RGS6: variants seen among roughly 807,000 people sequenced by gnomAD.
RGS6 encodes the protein regulator of G protein signaling 6.
RGS6 carries 30 observed loss-of-function variants against 78.5 expected under a neutral mutation model. That is an observed-to-expected ratio of 0.38 (90% CI 0.29 to 0.52). The LOEUF (loss-of-function observed/expected upper bound fraction) is 0.52. RGS6 is among the 20% of genes least tolerant of loss of function. RGS6 has a pLI of 0.85. For missense variants in RGS6, 495 were observed against 609.7 expected, an observed-to-expected ratio of 0.81 and a Z score of 1.98; for synonymous variants, 206 against 206.0, an observed-to-expected ratio of 1.00 and a Z score of 0.00.
intron 12 of RGS6, among the ~76,000 whole-genome samples, chr14:72,491,097 G>T (rs55697641): frequency 0.054 from 8,205 of 152,162 alleles, 748 homozygotes; most frequent in African/African-American, 0.19. Context: ...GGCCATTATT[G>T]CCCTTTGCAA....
At chr14:72,490,612 G>A (rs2096565805) in intron 12 of RGS6, among the ~76,000 whole-genome samples, 2 of 152,144 alleles carry the variant, frequency 1.3e-5, no homozygotes, top group South Asian at 4.1e-4. Flanking sequence ...TGCTCAACAA[G>A]CCTGTTATAT....
intron 2 of RGS6, among the ~76,000 whole-genome samples, chr14:72,155,435 A>G (rs1303348373): frequency 6.6e-6 from 1 of 152,192 alleles, no homozygotes; most frequent in Non-Finnish European, 1.5e-5. Context: ...CCTCCCACCC[A>G]GGATATGACT....
chr14:71,937,569 A>C (rs1055013627), intron 1 of RGS6, among the ~76,000 whole-genome samples: 1 of 152,184 alleles, frequency 6.6e-6, no homozygotes, highest in African/African-American at 2.4e-5. Flanking sequence ...CATTCTATCA[A>C]TATAACTGCT....
chr14:71,931,759 G>T (rs528864057), upstream of RGS6, among the ~76,000 whole-genome samples: 7 of 152,094 alleles, frequency 4.6e-5, no homozygotes, highest in Non-Finnish European at 1.0e-4. Flanking sequence ...TTAAAGAAAG[G>T]CATCAGTTCA....
chr14:71,945,435 A>G (rs1369893301), intron 1 of RGS6, among the ~76,000 whole-genome samples: 1 of 152,240 alleles, frequency 6.6e-6, no homozygotes, highest in Non-Finnish European at 1.5e-5. Flanking sequence ...CAAACACTCA[A>G]TAGACCAGTT....
intron 2 of RGS6, among the ~76,000 whole-genome samples, chr14:71,990,131 A>T (rs538368272): frequency 6.6e-6 from 1 of 152,284 alleles, no homozygotes; most frequent in Non-Finnish European, 1.5e-5. Flanking sequence ...TAATAAACCA[A>T]CCTAATCCCA....
intron 2 of RGS6, among the ~76,000 whole-genome samples, chr14:72,154,352 C>T (rs1218330349): frequency 6.6e-6 from 1 of 152,084 alleles, no homozygotes; most frequent in African/African-American, 2.4e-5. Flanking sequence ...GGTGATGTAC[C>T]TCCTCAGCTT....
chr14:72,522,202 T>C (rs115485463), intron 15 of RGS6, among the ~76,000 whole-genome samples: 2,023 of 152,298 alleles, frequency 0.013, 44 homozygotes, highest in African/African-American at 0.046. Context: ...GGCTTGCAGG[T>C]GGCCGCCTTC....
At chr14:72,550,450 A>T in intron 17 of RGS6, 1 of 1,535,114 alleles carries the variant, frequency 6.5e-7, no homozygotes, top group East Asian at 2.4e-5. Context: ...CCCCGTGCCT[A>T]ACAGGAAAAG....
At chr14:72,626,029 T>C in the RGS6 span, among the ~76,000 whole-genome samples, 1 of 152,260 alleles carries the variant, frequency 6.6e-6, no homozygotes, top group Non-Finnish European at 1.5e-5. Context: ...AATACTGTTT[T>C]CCAAAGTTAC....
intron 2 of RGS6, among the ~76,000 whole-genome samples, chr14:72,142,524 A>G (rs990788483): frequency 1.3e-5 from 2 of 152,178 alleles, no homozygotes; most frequent in Non-Finnish European, 2.9e-5. Context: ...CATCTGTTCC[A>G]TGTGTTTCTC....
At chr14:72,376,512 A>G (rs1462400838) in intron 3 of RGS6, among the ~76,000 whole-genome samples, 1 of 152,140 alleles carries the variant, frequency 6.6e-6, no homozygotes, top group Non-Finnish European at 1.5e-5. Flanking sequence ...AAATAGATAT[A>G]ATCCCCACAG....
chr14:72,580,656 A>AT, the RGS6 span, among the ~76,000 whole-genome samples: 2 of 152,252 alleles, frequency 1.3e-5, no homozygotes, highest in African/African-American at 4.8e-5. Flanking sequence ...GCTATTAGCC[A>AT]AATGCAGGTG....
chr14:72,148,249 T>G (rs1031203342), intron 2 of RGS6, among the ~76,000 whole-genome samples: 6 of 150,464 alleles, frequency 4.0e-5, no homozygotes, highest in Admixed American at 6.6e-5. Flanking sequence ...AGAAAAAAAT[T>G]ATTTGGGTAT....
intron 2 of RGS6, among the ~76,000 whole-genome samples, chr14:72,239,488 G>A (rs2052167164): frequency 3.9e-5 from 6 of 152,134 alleles, no homozygotes; most frequent in Admixed American, 2.0e-4. Flanking sequence ...TTTTAGAGAG[G>A]CAGTGTGATA....
the RGS6 span, among the ~76,000 whole-genome samples, chr14:72,604,407 T>G: frequency 6.6e-6 from 1 of 152,226 alleles, no homozygotes; most frequent in Non-Finnish European, 1.5e-5. Context: ...GAAGGCCTTC[T>G]ACAGATGATC....
chr14:72,290,453 TCAGCTTCCTTCCTCTCCA>T (rs1360492551), intron 2 of RGS6, among the ~76,000 whole-genome samples: 89 of 152,336 alleles, frequency 5.8e-4, no homozygotes, highest in African/African-American at 2.1e-3. Flanking sequence ...TCTTCCTTCC[TCAGCTTCCTTCCTCTCCA>T]CAGCTTCCAT....
At chr14:72,495,511 C>G (rs939231157) in intron 13 of RGS6, among the ~76,000 whole-genome samples, 7 of 152,124 alleles carry the variant, frequency 4.6e-5, no homozygotes, top group South Asian at 4.2e-4. Flanking sequence ...CCTCACCATT[C>G]CCTAGTTCTG....
chr14:72,127,206 GA>G (rs1028072665), intron 2 of RGS6, among the ~76,000 whole-genome samples: 2 of 151,926 alleles, frequency 1.3e-5, no homozygotes, highest in African/African-American at 2.4e-5. Flanking sequence ...ATAAAAATAG[GA>G]AAAAAATATT....
Sources: allele counts gnomAD v4.1 joint callset (sites outside exome capture counted in the v4.1 genomes callset), GRCh38; gene constraint gnomAD v4.1.1; transcripts MANE v1.5; gene names NCBI Gene and HGNC (gene_info 2026-07-23, HGNC 2026-07-21).